TP73: variants seen among roughly 807,000 people sequenced by gnomAD.
TP73 encodes the protein tumor protein p73, also known as p53-like transcription factor.
TP73 carries 25 observed loss-of-function variants against 62.5 expected under a neutral mutation model. The observed-to-expected ratio is 0.40, with a 90% CI of 0.29 to 0.56. The LOEUF (loss-of-function observed/expected upper bound fraction) is 0.56, where lower values mean the gene tolerates loss of function less well. TP73 is among the 20% of genes least tolerant of loss of function. TP73 has a pLI of 0.46. For synonymous variants in TP73, 423 were observed against 377.5 expected, an observed-to-expected ratio of 1.12 and a Z score of -1.40; for missense variants, 754 against 913.3, an observed-to-expected ratio of 0.83 and a Z score of 2.25.
intron 1 of TP73, among the ~76,000 whole-genome samples, chr1:3,669,544 G>T (rs559593545): frequency 5.1e-4 from 78 of 152,358 alleles, no homozygotes; most frequent in Middle Eastern, 6.8e-3. Context: ...CACGTCCGGG[G>T]GCTTCCCGGC....
chr1:3,695,103 C>G (rs544468758), intron 3 of TP73, among the ~76,000 whole-genome samples: 2 of 152,266 alleles, frequency 1.3e-5, no homozygotes, highest in Non-Finnish European at 2.9e-5. Context: ...GCGGCTCCCA[C>G]GGACTGGGGT....
Position 3,707,628 on chromosome 1 carries a change from A to ACGC in TP73, c.271_273dup (p.Ala91dup), listed in dbSNP as rs1478885505. 5.6e-6 allele frequency: 9 copies of ACGC among 1,612,752 alleles called. No homozygotes were observed. The highest frequency in any genetic ancestry group is 7.6e-6 in the Non-Finnish European group (9 of 1,179,890). On this transcript the variant is annotated inframe_insertion, in exon 4 of 14. Coordinates refer to ENST00000378295, the MANE Select transcript of TP73 (RefSeq NM_005427.4). ...TCGGCCAGCCCCTACACCCCAGAGC[A>ACGC]CGCCGCCAGCGTGCCCACCCACTCG...
At chr1:3,723,502 T>C in intron 6 of TP73, 33 bp downstream of exon 6, 1 of 1,196,454 alleles carries the variant, frequency 8.4e-7, no homozygotes, top group Non-Finnish European at 1.2e-6. Context: ...CCCAGGGCCC[T>C]GCAGTCAGCT....
intron 4 of TP73, among the ~76,000 whole-genome samples, chr1:3,718,517 C>T (rs1640800578): frequency 6.6e-6 from 1 of 152,124 alleles, no homozygotes. Flanking sequence ...GGAGCTCAGG[C>T]TCCGCAGAGG....
chr1:3,683,880 G>A (rs3765711), intron 3 of TP73, among the ~76,000 whole-genome samples: 28,604 of 152,266 alleles, frequency 0.19, 2,864 homozygotes, highest in Admixed American at 0.28. Flanking sequence ...GGAAGATGGA[G>A]GTGCTGTTTC....
chr1:3,729,078 G>A (rs907971461), intron 9 of TP73, among the ~76,000 whole-genome samples: 1 of 152,218 alleles, frequency 6.6e-6, no homozygotes, highest in Non-Finnish European at 1.5e-5. Flanking sequence ...GAAGAGGGAG[G>A]CTTGGGGGCC....
chr1:3,728,458 A>G (rs1641856314), intron 9 of TP73, among the ~76,000 whole-genome samples: 1 of 152,250 alleles, frequency 6.6e-6, no homozygotes, highest in African/African-American at 2.4e-5. Context: ...CATGCCATTT[A>G]CAATGAAGCC....
rs1642300096 is a variant in TP73, at chr1:3,733,695, C to G, written c.*616C>G. ...TCTGCAGGACCGCCTCCTTCCTGCCCCTAACAACAACCACAGTGTTGCTGA... is the reference window on the plus strand; with the variant it reads ...TCTGCAGGACCGCCTCCTTCCTGCCGCTAACAACAACCACAGTGTTGCTGA... On this transcript the variant is annotated 3_prime_UTR_variant, in exon 14 of 14. Coordinates refer to ENST00000378295, the MANE Select transcript of TP73 (RefSeq NM_005427.4). 6.5e-6 allele frequency: 1 copy of G among 153,890 alleles called. No homozygotes were observed. The highest frequency in any genetic ancestry group is 6.5e-5 in the Admixed American group (1 of 15,322). The allele number at this position is 153,890 out of a possible 1,614,324, so 9.5% of individuals were successfully genotyped here. A position where few individuals can be genotyped will look rare whatever the true frequency, so the allele number is the denominator to read the frequency against.
In TP73 at chr1:3,727,685, C is replaced by A. The variant is rs142148247; in HGVS notation, c.900C>A (p.Arg300=). The A allele has an allele frequency of 8.2e-6, 13 of 1,593,788 alleles. No individual in the cohort carries two copies. In the African/African-American group the frequency reaches 1.5e-4, roughly 18 times the overall value. ...FEGRICACPG[R]DRKADEDHYR... Reference sequence around the variant, plus strand: ...GCCGCATCTGCGCCTGTCCTGGCCGCGACCGAAAAGCTGATGAGGACCACT... The same window carrying A: ...GCCGCATCTGCGCCTGTCCTGGCCGAGACCGAAAAGCTGATGAGGACCACT... The change falls in exon 8 of 14, where the codon CGC becomes CGA. Residue 300 remains arginine (R), a synonymous_variant. Transcript: ENST00000378295.
At chr1:3,730,270 C>T (rs955826615) in intron 11 of TP73, 122 bp downstream of exon 11, 38 of 1,190,444 alleles carry the variant, frequency 3.2e-5, no homozygotes, top group Non-Finnish European at 3.9e-5. Context: ...TGGCTCCTTC[C>T]AGCGGTTCCA....
chr1:3,688,344 A>AG (rs947074039), intron 3 of TP73, among the ~76,000 whole-genome samples: 4 of 152,218 alleles, frequency 2.6e-5, no homozygotes, highest in Non-Finnish European at 5.9e-5. Flanking sequence ...GCTGCCCAGC[A>AG]GGGACCCTGT....
intron 1 of TP73, among the ~76,000 whole-genome samples, chr1:3,669,389 C>T (rs1301395053): frequency 6.6e-6 from 1 of 152,218 alleles, no homozygotes; most frequent in African/African-American, 2.4e-5. Flanking sequence ...GAGCCATCTG[C>T]CCCAAGTGGC....
At chr1:3,657,312 T>C (rs1260004581) in intron 1 of TP73, among the ~76,000 whole-genome samples, 1 of 152,318 alleles carries the variant, frequency 6.6e-6, no homozygotes, top group African/African-American at 2.4e-5. Context: ...TTCCCAGGCA[T>C]GCAGATGCAC....
intron 3 of TP73, among the ~76,000 whole-genome samples, chr1:3,690,238 A>G (rs1645776532): frequency 6.6e-6 from 1 of 152,032 alleles, no homozygotes; most frequent in South Asian, 2.1e-4. Context: ...TCGGGGGTCT[A>G]GGGTCGAACC....
At chr1:3,710,951 A>G (rs1640092662) in intron 4 of TP73, among the ~76,000 whole-genome samples, 1 of 152,206 alleles carries the variant, frequency 6.6e-6, no homozygotes, top group Non-Finnish European at 1.5e-5. Context: ...AGCCAGAGGA[A>G]GGATTTGTGT....
At chr1:3,698,518 C>G (rs12032247) in intron 3 of TP73, among the ~76,000 whole-genome samples, 26,386 of 152,160 alleles carry the variant, frequency 0.17, 2,407 homozygotes, top group Admixed American at 0.2. Flanking sequence ...GGTGGGCCAG[C>G]CCTCTGGAGG....
At chr1:3,705,620 A>G (rs3765751) in intron 3 of TP73, among the ~76,000 whole-genome samples, 98,305 of 152,206 alleles carry the variant, frequency 0.65, 32,444 homozygotes, top group Non-Finnish European at 0.72. Context: ...GCTGGAGCAC[A>G]CAGGGAGAGG....
chr1:3,718,141 G>T (rs1184017632), intron 4 of TP73, among the ~76,000 whole-genome samples: 1 of 152,188 alleles, frequency 6.6e-6, no homozygotes, highest in African/African-American at 2.4e-5. Context: ...CCCACTTCCC[G>T]GGGTGGGTGG....
rs754796086 is a variant in TP73 at position 3,722,103 on chromosome 1, C to A, written c.512C>A (p.Pro171Gln). Residue 171 changes from proline to glutamine, a missense_variant, in exon 5 of 14, where the codon CCA becomes CAA. Pro to Gln is a moderately conservative substitution (Grantham distance 76, BLOSUM62 -1). Transcript: ENST00000378295. ...ATCAAGGTGTCCACCCCGCCACCCC[C>A]AGGCACCGCCATCCGGGCCATGCCT... ...IQIKVSTPPP[P>Q]GTAIRAMPVY... The A allele has an allele frequency of 2.5e-6, 4 of 1,612,924 alleles. No individual in the cohort carries two copies. In the Admixed American group the frequency reaches 6.7e-5, roughly 27 times the overall value.
Sources: allele counts gnomAD v4.1 joint callset (sites outside exome capture counted in the v4.1 genomes callset), GRCh38; gene constraint gnomAD v4.1.1; transcripts MANE v1.5; gene names NCBI Gene and HGNC (gene_info 2026-07-23, HGNC 2026-07-21).